Variants in RFX3 observed in about 807,000 individuals in gnomAD.
The protein encoded by RFX3 is regulatory factor X3.
Under a neutral mutation model 98.6 loss-of-function variants are expected in RFX3, and 14 were observed. The ratio of observed to expected loss-of-function variants is 0.14; its 90% CI spans 0.09 to 0.22. The LOEUF is 0.22. Ranked by LOEUF, RFX3 falls within the 10% of genes least tolerant of loss-of-function variation. The pLI, the probability that RFX3 is intolerant of heterozygous loss-of-function variation, is 1.00. For missense variants in RFX3, 639 were observed against 926.9 expected (o/e 0.69, Z 4.03); for synonymous variants, 383 against 328.4 (o/e 1.17, Z -1.80).
At chr9:3,463,438 C>T (rs1007098739) in intron 1 of RFX3, among the ~76,000 whole-genome samples, 1 of 151,802 alleles carries the variant, frequency 6.6e-6, no homozygotes, top group African/African-American at 2.4e-5. Context: ...AAATGATATT[C>T]GTTTAGATAA....
chr9:3,406,540 A>G (rs1841991402), intron 1 of RFX3, among the ~76,000 whole-genome samples: 1 of 152,068 alleles, frequency 6.6e-6, no homozygotes. Context: ...CCATGAATGC[A>G]TGGACTATCC....
intron 3 of RFX3, among the ~76,000 whole-genome samples, chr9:3,343,578 GA>G (rs1294406604): frequency 2.0e-5 from 3 of 152,054 alleles, no homozygotes; most frequent in East Asian, 1.9e-4. Flanking sequence ...AGCTTATGCT[GA>G]AAAAAATTTT....
At chr9:3,321,297 C>T (rs2991302) in intron 4 of RFX3, among the ~76,000 whole-genome samples, 42,138 of 151,994 alleles carry the variant, frequency 0.28, 10,207 homozygotes, top group African/African-American at 0.66. Context: ...GGTAAATTCC[C>T]GGAAGCACAC....
At chr9:3,324,090 G>C (rs1041015048) in intron 4 of RFX3, 6 of 428,150 alleles carry the variant, frequency 1.4e-5, no homozygotes, top group African/African-American at 1.2e-4. Context: ...CAGGGACTGA[G>C]TTGGCCTAGG....
intron 2 of RFX3, among the ~76,000 whole-genome samples, chr9:3,383,127 T>A (rs1228222906): frequency 6.6e-6 from 1 of 152,168 alleles, no homozygotes; most frequent in Non-Finnish European, 1.5e-5. Context: ...ACCCAGATGC[T>A]AATATTTTAC....
intron 4 of RFX3, among the ~76,000 whole-genome samples, chr9:3,320,774 T>TGC (rs1831194091): frequency 2.2e-5 from 1 of 45,970 alleles, no homozygotes; most frequent in Admixed American, 1.8e-4. Context: ...ATAGCATATA[T>TGC]ATATATATAT....
intron 10 of RFX3, chr9:3,270,772 T>A: frequency 1.5e-6 from 1 of 675,352 alleles, no homozygotes; most frequent in East Asian, 2.7e-5. Context: ...AGTAATTCCA[T>A]GAGGATGAAA....
chr9:3,415,832 C>T (rs1291020307), intron 1 of RFX3, among the ~76,000 whole-genome samples: 1 of 152,184 alleles, frequency 6.6e-6, no homozygotes, highest in Non-Finnish European at 1.5e-5. Context: ...CACATCAGTG[C>T]TGACCCCTCA....
intron 15 of RFX3, among the ~76,000 whole-genome samples, chr9:3,236,211 A>T (rs1297783567): frequency 6.6e-6 from 1 of 152,162 alleles, no homozygotes; most frequent in African/African-American, 2.4e-5. Flanking sequence ...TTTTACATAC[A>T]AGTTCCTACC....
chr9:3,380,781 T>A (rs1839104140), intron 2 of RFX3, among the ~76,000 whole-genome samples: 1 of 152,206 alleles, frequency 6.6e-6, no homozygotes, highest in African/African-American at 2.4e-5. Context: ...CCACGTGAAA[T>A]AAATTGTCTA....
intron 1 of RFX3, among the ~76,000 whole-genome samples, chr9:3,510,833 C>T (rs956509725): frequency 6.6e-6 from 1 of 152,014 alleles, no homozygotes; most frequent in African/African-American, 2.4e-5. Context: ...TCTTCATACA[C>T]TGTATCTTCT....
intron 1 of RFX3, among the ~76,000 whole-genome samples, chr9:3,495,701 A>C (rs1176775043): frequency 6.6e-6 from 1 of 152,070 alleles, no homozygotes. Context: ...CTCTTAAAAT[A>C]TCAAGGCAAT....
At chr9:3,266,410 A>G in intron 11 of RFX3, 105 bp from the exon 12 acceptor site, 1 of 590,426 alleles carries the variant, frequency 1.7e-6, no homozygotes. Flanking sequence ...GATACAGCAC[A>G]GAACTCATAT....
chr9:3,345,267 T>G (rs1039248798), intron 3 of RFX3, among the ~76,000 whole-genome samples: 7 of 152,126 alleles, frequency 4.6e-5, no homozygotes, highest in Non-Finnish European at 8.8e-5. Context: ...GAATGCTATT[T>G]CAGCAGAGAA....
At chr9:3,373,202 G>C (rs910526917) in intron 2 of RFX3, among the ~76,000 whole-genome samples, 1 of 152,092 alleles carries the variant, frequency 6.6e-6, no homozygotes, top group Admixed American at 6.5e-5. Flanking sequence ...ACTACTCCGA[G>C]ACAGTGAGAG....
chr9:3,296,840 G>A (rs934171377), intron 5 of RFX3, among the ~76,000 whole-genome samples: 3 of 151,998 alleles, frequency 2.0e-5, no homozygotes, highest in Non-Finnish European at 4.4e-5. Flanking sequence ...GGGCTAGATC[G>A]CCTAGAAATT....
In RFX3 at chr9:3,256,975, A is replaced by G. The variant is rs776494131; in HGVS notation, c.1814+16T>C. 6.2e-7 allele frequency: 1 copy of G among 1,610,614 alleles called. No homozygotes were observed. The highest frequency in any genetic ancestry group is 8.5e-7 in the Non-Finnish European group (1 of 1,176,942). On this transcript the variant is annotated intron_variant, in intron 14 of 16. Transcript: ENST00000617270. The stretch of plus-strand genomic sequence containing the variant: ...AGAATATGAAGAAGAAAGCCTAGGA[A>G]AAACCTAGATGATACCTGTAGAAAG...
chr9:3,359,568 C>T (rs897771697), intron 2 of RFX3, among the ~76,000 whole-genome samples: 2 of 151,974 alleles, frequency 1.3e-5, no homozygotes, highest in East Asian at 3.9e-4. Context: ...CCATCCCTAG[C>T]CCTGGCCCAA....
chr9:3,408,999 A>C (rs899943433), intron 1 of RFX3, among the ~76,000 whole-genome samples: 16 of 152,226 alleles, frequency 1.1e-4, no homozygotes, highest in Non-Finnish European at 1.9e-4. Context: ...ACTTGTACTG[A>C]ATAAAATAGT....
Sources: allele counts gnomAD v4.1 joint callset (sites outside exome capture counted in the v4.1 genomes callset), GRCh38; gene constraint gnomAD v4.1.1; transcripts MANE v1.5; gene names NCBI Gene and HGNC (gene_info 2026-07-23, HGNC 2026-07-21).